Variants in IMMP2L observed in about 807,000 individuals in gnomAD.
IMMP2L encodes mitochondrial inner membrane protease subunit 2.
In IMMP2L, 18 loss-of-function variants were observed where a neutral mutation model predicts 19.3. That is an observed-to-expected ratio of 0.93 (90% CI 0.64 to 1.38). The LOEUF (loss-of-function observed/expected upper bound fraction) is 1.38. IMMP2L is among the 40% of genes most tolerant of loss of function. The probability of loss-of-function intolerance (pLI) is 0.00; values close to 1 mark genes in which losing one functional copy is unlikely to be tolerated. For missense variants in IMMP2L, 233 were observed against 218.2 expected, an observed-to-expected ratio of 1.07 and a Z score of -0.43; for synonymous variants, 76 against 73.0, an observed-to-expected ratio of 1.04 and a Z score of -0.21.
intron 5 of IMMP2L, among the ~76,000 whole-genome samples, chr7:110,736,888 T>G (rs181731192): frequency 4.6e-5 from 7 of 152,238 alleles, no homozygotes; most frequent in Admixed American, 2.6e-4. Context: ...AACTTCTGAG[T>G]TGGTGCTGAA....
At chr7:111,545,401 G>C (rs1043172581) in intron 1 of IMMP2L, among the ~76,000 whole-genome samples, 18 of 152,076 alleles carry the variant, frequency 1.2e-4, no homozygotes, top group African/African-American at 3.9e-4. Flanking sequence ...GAGATGTTCG[G>C]AGTTTTTTGA....
intron 3 of IMMP2L, among the ~76,000 whole-genome samples, chr7:110,969,232 A>G (rs796159355): frequency 6.6e-6 from 1 of 152,214 alleles, no homozygotes; most frequent in African/African-American, 2.4e-5. Flanking sequence ...CTTTGTACAT[A>G]CTGCCTCATT....
At chr7:110,733,485 G>A (rs7802964) in intron 5 of IMMP2L, among the ~76,000 whole-genome samples, 67,123 of 150,504 alleles carry the variant, frequency 0.45, 16,418 homozygotes, top group African/African-American at 0.67. Flanking sequence ...AGGTTGCAAA[G>A]AGCCCAGCTA....
At chr7:111,221,499 CAG>C (rs1203113821) in intron 3 of IMMP2L, among the ~76,000 whole-genome samples, 9 of 150,284 alleles carry the variant, frequency 6.0e-5, no homozygotes, top group Non-Finnish European at 7.4e-5. Context: ...AATACTGAAA[CAG>C]AGAGAGAGAG....
At chr7:111,357,808 C>T (rs1828865819) in intron 3 of IMMP2L, among the ~76,000 whole-genome samples, 1 of 151,850 alleles carries the variant, frequency 6.6e-6, no homozygotes, top group South Asian at 2.1e-4. Context: ...TATACTTATC[C>T]ATTTCTATCT....
chr7:111,136,384 C>A (rs1488968348), intron 3 of IMMP2L, among the ~76,000 whole-genome samples: 1 of 151,980 alleles, frequency 6.6e-6, no homozygotes, highest in African/African-American at 2.4e-5. Flanking sequence ...CTCATGGTAG[C>A]CTGAGATATT....
chr7:110,921,608 A>G lies in IMMP2L; in HGVS notation c.306-34913T>C, dbSNP rs185297979. On this transcript the variant is annotated intron_variant, in intron 4 of 5. Transcript: ENST00000405709. Reference sequence around the variant, plus strand: ...CTAGTAAACCAGGCCAAGGAGAGAAATGCCTGAGATAACACTCCCCTGCTT... The same window carrying G: ...CTAGTAAACCAGGCCAAGGAGAGAAGTGCCTGAGATAACACTCCCCTGCTT... 2.3e-3 allele frequency among the ~76,000 whole-genome samples: 346 copies of G among 152,276 alleles called. 1 individual carries two copies. Among genetic ancestry groups the G allele is most frequent in the African/African-American group, 7.9e-3 (327 of 41,570 alleles).
chr7:111,096,241 G>A (rs546085481), intron 3 of IMMP2L, among the ~76,000 whole-genome samples: 1 of 151,984 alleles, frequency 6.6e-6, no homozygotes, highest in Admixed American at 6.6e-5. Context: ...GAGGTTCTGT[G>A]AGGTTAGAGA....
rs71572831 is a variant in IMMP2L, at chr7:110,988,974, T to C, written c.240-25409A>G. 7.9e-3 allele frequency among the ~76,000 whole-genome samples: 1,197 copies of C among 152,232 alleles called. 7 individuals are homozygous for C. Among genetic ancestry groups the C allele is most frequent in the Non-Finnish European group, 0.013 (895 of 68,008 alleles). ...TTCTTTTGCCAGGTGCGGTGGCTCA[T>C]GTCTGTAATGCCAGCACTTTGGGGG... On this transcript the variant is annotated intron_variant, in intron 3 of 5. Coordinates refer to ENST00000405709, the MANE Select transcript of IMMP2L (RefSeq NM_032549.4).
At chr7:111,012,442 T>C (rs2129563859) in intron 3 of IMMP2L, among the ~76,000 whole-genome samples, 1 of 152,282 alleles carries the variant, frequency 6.6e-6, no homozygotes, top group South Asian at 2.1e-4. Flanking sequence ...CATGAATGCA[T>C]TCAGTTCCTC....
intron 3 of IMMP2L, among the ~76,000 whole-genome samples, chr7:111,379,203 T>C (rs557967902): frequency 4.0e-5 from 5 of 123,656 alleles, no homozygotes; most frequent in South Asian, 2.4e-4. Flanking sequence ...GTAACCCTTA[T>C]GGTAAAAAAA....
rs539796862 is a variant in IMMP2L at position 111,475,070 on chromosome 7, GC to G, written c.239+12167del. On this transcript the variant is annotated intron_variant, in intron 3 of 5. Coordinates refer to ENST00000405709, the MANE Select transcript of IMMP2L (RefSeq NM_032549.4). ...CATATCCATAGCTAAATCAAACCAA[GC>G]CAGCTTCTTCAACAGCAGTTCCAAC... Among the ~76,000 whole-genome samples the G allele has an allele frequency of 2.6e-5, 4 of 152,058 alleles. No individual in the cohort carries two copies. In the East Asian group the frequency reaches 7.7e-4, roughly 29 times the overall value.
At chr7:110,732,930 C>T (rs893856157) in intron 5 of IMMP2L, among the ~76,000 whole-genome samples, 9 of 151,960 alleles carry the variant, frequency 5.9e-5, no homozygotes, top group Admixed American at 5.2e-4. Flanking sequence ...GGACTATAGG[C>T]ACCTACCACC....
chr7:111,315,757 T>G (rs1254443694), intron 3 of IMMP2L, among the ~76,000 whole-genome samples: 2 of 151,808 alleles, frequency 1.3e-5, no homozygotes, highest in African/African-American at 4.8e-5. Flanking sequence ...GCTTCATTTT[T>G]CAACTAATAA....
intron 5 of IMMP2L, among the ~76,000 whole-genome samples, chr7:110,869,090 G>T (rs1410813987): frequency 1.3e-5 from 2 of 151,902 alleles, no homozygotes; most frequent in African/African-American, 2.4e-5. Context: ...CTTTTACTTG[G>T]TCATACGCAA....
rs1000502454 is a variant in IMMP2L, at chr7:111,469,448, T to C, written c.239+17790A>G. ...TATTTCATTGAGCAGTGGTTTGTAGTTCTCCTTGAACAGGTCCTTCATGTC... is the reference window on the plus strand; with the variant it reads ...TATTTCATTGAGCAGTGGTTTGTAGCTCTCCTTGAACAGGTCCTTCATGTC... On this transcript the variant is annotated intron_variant, in intron 3 of 5. Coordinates refer to ENST00000405709, the MANE Select transcript of IMMP2L (RefSeq NM_032549.4). Among the ~76,000 whole-genome samples the C allele has an allele frequency of 2.0e-5, 3 of 152,116 alleles. 1 individual carries two copies. The highest frequency in any genetic ancestry group is 2.9e-5 in the Non-Finnish European group (2 of 68,010).
At chr7:110,938,854 A>C (rs1816399726) in intron 4 of IMMP2L, among the ~76,000 whole-genome samples, 1 of 152,186 alleles carries the variant, frequency 6.6e-6, no homozygotes, top group African/African-American at 2.4e-5. Context: ...GAATGAAGAT[A>C]TTAATGTTGG....
At chr7:111,106,948 T>C (rs952407327) in intron 3 of IMMP2L, among the ~76,000 whole-genome samples, 2 of 152,102 alleles carry the variant, frequency 1.3e-5, no homozygotes, top group Non-Finnish European at 1.5e-5. Flanking sequence ...ATTTCTAATA[T>C]GTTATGCATG....
chr7:111,049,376 C>T (rs908241583), intron 3 of IMMP2L, among the ~76,000 whole-genome samples: 3 of 151,988 alleles, frequency 2.0e-5, no homozygotes, highest in African/African-American at 7.2e-5. Flanking sequence ...CGTGATCCAC[C>T]CGTCTCGGCC....
Sources: allele counts gnomAD v4.1 joint callset (sites outside exome capture counted in the v4.1 genomes callset), GRCh38; gene constraint gnomAD v4.1.1; transcripts MANE v1.5; gene names NCBI Gene and HGNC (gene_info 2026-07-23, HGNC 2026-07-21).